The following COL5A1 variants were observed in gnomAD, a reference collection of about 807,000 sequenced individuals.
The protein encoded by COL5A1 is collagen type V alpha 1 chain, also known as collagen alpha-1(V) chain.
Under a neutral mutation model 263.7 loss-of-function variants are expected in COL5A1, and 16 were observed. The ratio of observed to expected loss-of-function variants is 0.06; its 90% CI spans 0.04 to 0.09. The LOEUF (loss-of-function observed/expected upper bound fraction) is 0.09. Among genes scored for constraint, COL5A1 ranks in the 10% least tolerant of loss-of-function variants. The probability of loss-of-function intolerance (pLI) is 1.00; values close to 1 mark genes in which losing one functional copy is unlikely to be tolerated. For missense variants in COL5A1, 2,036 were observed against 2,540.5 expected, an observed-to-expected ratio of 0.80 and a Z score of 4.27; for synonymous variants, 1,012 against 1,004.5, an observed-to-expected ratio of 1.01 and a Z score of -0.14.
chr9:134,814,030 C>T lies in COL5A1; in HGVS notation c.3900C>T (p.Gly1300=), dbSNP rs879205988. The T allele has an allele frequency of 1.3e-6, 2 of 1,550,562 alleles. No individual in the cohort carries two copies. Among genetic ancestry groups the T allele is most frequent in the Non-Finnish European group, 1.7e-6 (2 of 1,146,854 alleles). The change falls in exon 49 of 66, where the codon GGC becomes GGT. Residue 1300 remains glycine (G), a synonymous_variant. Coordinates refer to ENST00000371817, the MANE Select transcript of COL5A1 (RefSeq NM_000093.5). The stretch of plus-strand genomic sequence containing the variant: ...AGCCTGGCCTTCCGGGAGAAGGCGG[C>T]CCCCCGGTGAGTGAGCGGGCGCTGC... The part of the protein sequence containing the change: ...AGEPGLPGEG[G]PPGPKGERGE...
In COL5A1 at chr9:134,843,878, C is replaced by G. The variant is rs1452441972; in HGVS notation, c.*1575C>G. On this transcript the variant is annotated 3_prime_UTR_variant, in exon 66 of 66. Coordinates refer to ENST00000371817, the MANE Select transcript of COL5A1 (RefSeq NM_000093.5). ...ATTCCCATCTCAAATGTCCTGGATG[C>G]GAGCGTCAGCGGCTCCAGAGCTCGG... 1 of 152,582 alleles carries G rather than the reference C, an allele frequency of 6.6e-6. No individual in the cohort carries two copies. Among genetic ancestry groups the G allele is most frequent in the Non-Finnish European group, 1.5e-5 (1 of 68,046 alleles). 9.5% of individuals were successfully genotyped at this position (152,582 alleles called of 1,614,324 possible).
rs140066114 is a variant in COL5A1, at chr9:134,841,233, G to A, written c.5371-924G>A. ...AGCAAAAGCCATCTGCCCAGGATGC[G>A]TTTGCAGGCTCCTGGTTTGCGGGAA... On this transcript the variant is annotated intron_variant, in intron 65 of 65. Transcript: ENST00000371817. The surrounding 1 kb of genome is among the most constrained non-coding windows in gnomAD (Gnocchi z 4.8). 3.9e-5 allele frequency among the ~76,000 whole-genome samples: 6 copies of A among 152,360 alleles called. No individual in the cohort carries two copies. In the East Asian group the frequency reaches 5.8e-4, roughly 15 times the overall value.
At chr9:134,814,075 C>A (rs758565319) in intron 49 of COL5A1, 39 bp downstream of exon 49, 1 of 1,544,662 alleles carries the variant, frequency 6.5e-7, no homozygotes, top group East Asian at 2.5e-5. Context: ...GGGATATGGC[C>A]GAGCGGGTGT....
chr9:134,799,208 G>T (rs1454263604), intron 37 of COL5A1, among the ~76,000 whole-genome samples: 1 of 152,170 alleles, frequency 6.6e-6, no homozygotes, highest in African/African-American at 2.4e-5. Flanking sequence ...TTTCAGTTGG[G>T]AGAAAAAGCC....
chr9:134,745,136 G>A (rs1354340724), intron 11 of COL5A1, among the ~76,000 whole-genome samples: 2 of 152,346 alleles, frequency 1.3e-5, no homozygotes, highest in African/African-American at 4.8e-5. Flanking sequence ...GCCATACCAG[G>A]AGATCAGTGG....
intron 59 of COL5A1, among the ~76,000 whole-genome samples, chr9:134,822,723 C>CCG (rs1030757119): frequency 1.3e-5 from 2 of 150,476 alleles, no homozygotes; most frequent in African/African-American, 4.9e-5. Flanking sequence ...CCGCTGCGCC[C>CCG]CCCCCGCGGC....
Position 134,647,808 on chromosome 9 carries a change from G to A in COL5A1, c.109+5512G>A, listed in dbSNP as rs757260954. Among the ~76,000 whole-genome samples, 7 of 152,134 alleles carry A rather than the reference G, an allele frequency of 4.6e-5. No homozygotes were observed. Among genetic ancestry groups the A allele is most frequent in the African/African-American group, 4.8e-5 (2 of 41,424 alleles). On this transcript the variant is annotated intron_variant, in intron 1 of 65. Coordinates refer to ENST00000371817, the MANE Select transcript of COL5A1 (RefSeq NM_000093.5). The surrounding 1 kb of genome is among the most constrained non-coding windows in gnomAD (Gnocchi z 5.0). ...TTACATTCTCCCATATAATTGACTC[G>A]TCTGCTCTCTCTCAGTGCTTTGCCA...
intron 1 of COL5A1, among the ~76,000 whole-genome samples, chr9:134,653,914 G>A (rs28434190): frequency 6.6e-6 from 1 of 151,662 alleles, no homozygotes; most frequent in African/African-American, 2.4e-5. Flanking sequence ...TGTAGGGCTG[G>A]GGGTGTGTAG....
chr9:134,732,405 G>C (rs1350454906), intron 9 of COL5A1: 6 of 579,406 alleles, frequency 1.0e-5, no homozygotes, highest in African/African-American at 1.9e-5. Flanking sequence ...TCTCAGTGCT[G>C]GTCAGTTTCA....
intron 63 of COL5A1, among the ~76,000 whole-genome samples, chr9:134,828,067 C>T (rs1199708567): frequency 1.3e-5 from 2 of 152,206 alleles, no homozygotes; most frequent in Non-Finnish European, 2.9e-5. Flanking sequence ...AACGTGAGCC[C>T]CAGTCAGTCC....
At chr9:134,817,619 C>G (rs1838806929) in intron 53 of COL5A1, among the ~76,000 whole-genome samples, 159 bp from the exon 54 acceptor site, 1 of 151,666 alleles carries the variant, frequency 6.6e-6, no homozygotes. Context: ...ACCCTGCACC[C>G]CTGCCCTGCA....
intron 38 of COL5A1, among the ~76,000 whole-genome samples, chr9:134,802,372 C>T (rs182837840): frequency 1.7e-4 from 26 of 152,310 alleles, no homozygotes; most frequent in East Asian, 5.8e-4. Context: ...CGATTCTAAC[C>T]GCAGACCAGT....
chr9:134,791,777 C>G (rs1837700149), intron 32 of COL5A1, among the ~76,000 whole-genome samples: 1 of 151,916 alleles, frequency 6.6e-6, no homozygotes. Context: ...TGGGTGCAGT[C>G]CATTCACTTA....
Position 134,741,074 on chromosome 9 carries a change from G to C in COL5A1, c.1494+2266G>C, listed in dbSNP as rs1460955795. Among the ~76,000 whole-genome samples the C allele has an allele frequency of 1.3e-5, 2 of 152,172 alleles. No homozygotes were observed. Among genetic ancestry groups the C allele is most frequent in the Non-Finnish European group, 2.9e-5 (2 of 68,024 alleles). ...CAGCCTTGTTCAGGAAGCCATCCCT[G>C]CTCACCGCTCAGCGCCCTCTTGATG... On this transcript the variant is annotated intron_variant, in intron 11 of 65. Coordinates refer to ENST00000371817, the MANE Select transcript of COL5A1 (RefSeq NM_000093.5). This position sits in a 1 kb window ranked among gnomAD's most constrained non-coding sequence, Gnocchi z 4.5.
In COL5A1 at chr9:134,774,072, C is replaced by T. The variant is rs575623347; in HGVS notation, c.2332-787C>T. Among the ~76,000 whole-genome samples the T allele has an allele frequency of 7.2e-5, 11 of 152,360 alleles. No homozygotes were observed. In the East Asian group the frequency reaches 2.1e-3, roughly 29 times the overall value. On this transcript the variant is annotated intron_variant, in intron 26 of 65. Transcript: ENST00000371817. ...TGACAGGTGGTTGGCACTTGGAGCC[C>T]ACAGCACAGGCCCACTGTTCTGAGA...
chr9:134,731,623 G>A lies in COL5A1; in HGVS notation c.1292G>A (p.Gly431Glu), dbSNP rs370311038. Residue 431 changes from glycine (G) to glutamate (E), a missense_variant, in exon 8 of 66, where the codon GGG becomes GAG. Coordinates refer to ENST00000371817, the MANE Select transcript of COL5A1 (RefSeq NM_000093.5). ...YDPTSSPSEIGPGMPANQDTI... is the reference protein window; with the variant it reads ...YDPTSSPSEIEPGMPANQDTI... Reference sequence around the variant, plus strand: ...CCCACCAGCTCCCCGTCGGAGATCGGGCCGGGAATGCCGGCGAACCAGGAT... The same window carrying A: ...CCCACCAGCTCCCCGTCGGAGATCGAGCCGGGAATGCCGGCGAACCAGGAT... 3.3e-5 allele frequency: 54 copies of A among 1,613,968 alleles called. No individual in the cohort carries two copies. Among genetic ancestry groups the A allele is most frequent in the Non-Finnish European group, 2.8e-5 (33 of 1,180,012 alleles).
At chr9:134,671,880 CAA>C (rs1304575492) in intron 1 of COL5A1, among the ~76,000 whole-genome samples, 2 of 152,228 alleles carry the variant, frequency 1.3e-5, no homozygotes, top group Non-Finnish European at 2.9e-5. Flanking sequence ...AACAATGAGC[CAA>C]CAGGCGCGTT....
chr9:134,733,483 G>A (rs1365401733), intron 9 of COL5A1, among the ~76,000 whole-genome samples: 1 of 152,118 alleles, frequency 6.6e-6, no homozygotes, highest in African/African-American at 2.4e-5. Flanking sequence ...TCCTTTTCTC[G>A]GACCCCCTTT....
rs560774273 is a variant in COL5A1, at chr9:134,825,862, C to T, written c.5025C>T (p.Ala1675=). Residue 1675 remains alanine (A), a synonymous_variant, in exon 63 of 66, where the codon GCC becomes GCT. Coordinates refer to ENST00000371817, the MANE Select transcript of COL5A1 (RefSeq NM_000093.5). ...DSFKVYCNFT[A]GGSTCVFPDK... ...TCAAGGTTTACTGCAACTTCACAGC[C>T]GGGGGGTCGACATGCGTCTTCCCTG... 1.7e-5 allele frequency: 28 copies of T among 1,613,198 alleles called. No homozygotes were observed. Among genetic ancestry groups the T allele is most frequent in the African/African-American group, 6.7e-5 (5 of 74,900 alleles).
Sources: allele counts gnomAD v4.1 joint callset (sites outside exome capture counted in the v4.1 genomes callset), GRCh38; gene constraint gnomAD v4.1.1; non-coding constraint Gnocchi (gnomAD v3.1); transcripts MANE v1.5; gene names NCBI Gene and HGNC (gene_info 2026-07-23, HGNC 2026-07-21).